Variants in THSD4 observed in about 807,000 individuals in gnomAD.
THSD4 encodes thrombospondin type-1 domain-containing protein 4.
A neutral mutation model predicts 119.0 loss-of-function variants in THSD4; 69 were observed. The observed-to-expected ratio is 0.58, with a 90% CI of 0.48 to 0.71. The LOEUF is 0.71. Among genes scored for constraint, THSD4 ranks in the 30% least tolerant of loss-of-function variants. The pLI is 0.00. For synonymous variants in THSD4, 524 were observed against 540.4 expected, an observed-to-expected ratio of 0.97 and a Z score of 0.42; for missense variants, 1,393 against 1,391.1, an observed-to-expected ratio of 1.00 and a Z score of -0.02.
chr15:71,109,400 C>T (rs1488835475), intron 1 of THSD4, among the ~76,000 whole-genome samples: 2 of 152,228 alleles, frequency 1.3e-5, no homozygotes, highest in Non-Finnish European at 2.9e-5. Flanking sequence ...CTGAGTATGT[C>T]ATCTTTTCCC....
intron 3 of THSD4, among the ~76,000 whole-genome samples, chr15:71,214,251 CTCCCTCCAG>C (rs1012748839): frequency 1.3e-5 from 2 of 151,598 alleles, no homozygotes; most frequent in Non-Finnish European, 2.9e-5. Flanking sequence ...ACCCGCCCCA[CTCCCTCCAG>C]TCCCTCCAGT....
intron 4 of THSD4, among the ~76,000 whole-genome samples, chr15:71,240,237 G>T (rs895979704): frequency 6.6e-6 from 1 of 152,162 alleles, no homozygotes; most frequent in Admixed American, 6.5e-5. Flanking sequence ...AGTCAGTTTT[G>T]GTTCATCAGT....
intron 6 of THSD4, chr15:71,342,321 T>C (rs541321572): frequency 6.4e-6 from 1 of 156,068 alleles, no homozygotes; most frequent in African/African-American, 2.4e-5. Context: ...GTGCACATGA[T>C]GCGTAGAAGA....
chr15:71,515,551 G>A (rs930073682), intron 7 of THSD4, among the ~76,000 whole-genome samples: 1 of 152,138 alleles, frequency 6.6e-6, no homozygotes, highest in African/African-American at 2.4e-5. Flanking sequence ...GGGATTGAGG[G>A]GGGCTCAATC....
chr15:71,194,006 C>T (rs952829841), intron 3 of THSD4, among the ~76,000 whole-genome samples: 11 of 152,304 alleles, frequency 7.2e-5, no homozygotes, highest in South Asian at 2.1e-4. Context: ...CCACCGCGCC[C>T]GGCCTGAGAT....
chr15:71,536,985 G>A (rs941010739), intron 7 of THSD4, among the ~76,000 whole-genome samples: 3 of 152,098 alleles, frequency 2.0e-5, no homozygotes, highest in Admixed American at 2.0e-4. Context: ...CTAAAGGATT[G>A]GATAGGAGTT....
intron 8 of THSD4, among the ~76,000 whole-genome samples, chr15:71,694,086 A>G (rs763811357): frequency 6.6e-6 from 1 of 152,116 alleles, no homozygotes; most frequent in Non-Finnish European, 1.5e-5. Flanking sequence ...AGGTGAGCAT[A>G]AAGATCTCCT....
intron 6 of THSD4, among the ~76,000 whole-genome samples, chr15:71,404,993 G>T (rs916394478): frequency 4.0e-5 from 6 of 151,872 alleles, no homozygotes; most frequent in Admixed American, 2.0e-4. Context: ...GGTTCAAGCA[G>T]TTCTCCTGCC....
chr15:71,251,165 G>A (rs2044255676), intron 5 of THSD4, among the ~76,000 whole-genome samples: 1 of 152,144 alleles, frequency 6.6e-6, no homozygotes, highest in African/African-American at 2.4e-5. Flanking sequence ...GATAACTGGA[G>A]CGAAATTTTG....
chr15:71,390,803 C>T (rs1168570924), intron 6 of THSD4, among the ~76,000 whole-genome samples: 1 of 143,216 alleles, frequency 7.0e-6, no homozygotes, highest in Non-Finnish European at 1.5e-5. Flanking sequence ...AAATTTGTCT[C>T]TTTTTCCGGG....
At chr15:71,563,244 C>A (rs2049159865) in intron 7 of THSD4, among the ~76,000 whole-genome samples, 1 of 152,140 alleles carries the variant, frequency 6.6e-6, no homozygotes, top group South Asian at 2.1e-4. Context: ...CTGATGAGGA[C>A]CCCCATCAGA....
intron 7 of THSD4, among the ~76,000 whole-genome samples, chr15:71,503,719 C>A (rs1437859121): frequency 6.6e-6 from 1 of 152,166 alleles, no homozygotes; most frequent in African/African-American, 2.4e-5. Context: ...CTATACCTCT[C>A]TACAGACCTC....
intron 4 of THSD4, among the ~76,000 whole-genome samples, chr15:71,218,932 G>A (rs2043955066): frequency 6.6e-6 from 1 of 152,162 alleles, no homozygotes; most frequent in Admixed American, 6.5e-5. Context: ...AAGGCCCTGG[G>A]ACATACACAA....
At chr15:71,759,327 CT>C (rs2053593981) in intron 15 of THSD4, among the ~76,000 whole-genome samples, 2 of 152,184 alleles carry the variant, frequency 1.3e-5, no homozygotes, top group South Asian at 4.1e-4. Context: ...CATTTGCTAA[CT>C]GATCCCAGCT....
chr15:71,748,218 A>G (rs1000129820), intron 13 of THSD4, among the ~76,000 whole-genome samples: 15 of 152,084 alleles, frequency 9.9e-5, no homozygotes, highest in African/African-American at 3.4e-4. Flanking sequence ...TTTTTAGTTT[A>G]CAGTAGGCGA....
chr15:71,217,192 A>G (rs2043940138), intron 4 of THSD4, among the ~76,000 whole-genome samples: 2 of 152,208 alleles, frequency 1.3e-5, no homozygotes, highest in Admixed American at 1.3e-4. Flanking sequence ...TTCACATGTT[A>G]ATAGCATTTC....
intron 7 of THSD4, among the ~76,000 whole-genome samples, chr15:71,448,979 A>G (rs1006117488): frequency 2.0e-5 from 3 of 152,234 alleles, no homozygotes; most frequent in African/African-American, 4.8e-5. Flanking sequence ...ATGAGTACAT[A>G]CAAACCCCCT....
chr15:71,304,362 CTG>C (rs2044994214), intron 6 of THSD4, among the ~76,000 whole-genome samples: 1 of 151,788 alleles, frequency 6.6e-6, no homozygotes, highest in Non-Finnish European at 1.5e-5. Flanking sequence ...ACTGTTCAAA[CTG>C]TTTAGTTTCT....
chr15:71,225,378 TA>T (rs1261991721), intron 4 of THSD4, among the ~76,000 whole-genome samples: 3 of 152,124 alleles, frequency 2.0e-5, no homozygotes, highest in Non-Finnish European at 4.4e-5. Flanking sequence ...ATTCATAAAA[TA>T]AAGAGGTCCT....
Sources: gnomAD v4.1 joint callset for allele counts (sites outside exome capture counted in the v4.1 genomes callset) on GRCh38, gnomAD v4.1.1 for gene constraint, MANE v1.5 for transcripts, NCBI Gene and HGNC (gene_info 2026-07-23, HGNC 2026-07-21) for gene names.